TTC6: variants seen among roughly 807,000 people sequenced by gnomAD.
TTC6 encodes tetratricopeptide repeat protein 6.
Under a neutral mutation model 210.4 loss-of-function variants are expected in TTC6, and 172 were observed. The ratio of observed to expected loss-of-function variants is 0.82; its 90% confidence interval spans 0.72 to 0.93. The LOEUF is 0.93. Ranked by LOEUF, TTC6 falls within the 40% of genes least tolerant of loss-of-function variation. The pLI is 0.00. For missense variants in TTC6, 2,414 were observed against 2,318.1 expected (o/e 1.04, Z -0.85); for synonymous variants, 804 against 819.6 (o/e 0.98, Z 0.32).
chr14:37,716,100 G>A (rs943058647), intron 6 of TTC6, among the ~76,000 whole-genome samples: 12 of 152,162 alleles, frequency 7.9e-5, no homozygotes, highest in Admixed American at 2.0e-4. Context: ...AGATTTCTAC[G>A]TATCACTTGA....
intron 29 of TTC6, among the ~76,000 whole-genome samples, chr14:37,839,774 G>GT (rs2096205911): frequency 6.6e-6 from 1 of 152,122 alleles, no homozygotes; most frequent in Non-Finnish European, 1.5e-5. Flanking sequence ...AGTTTTTATG[G>GT]TTTTAGGTGT....
At chr14:37,681,373 T>A (rs937931117) in intron 2 of TTC6, among the ~76,000 whole-genome samples, 11 of 152,282 alleles carry the variant, frequency 7.2e-5, no homozygotes, top group African/African-American at 2.6e-4. Context: ...TAAGGAAAGA[T>A]ACCATTTTGA....
chr14:37,685,068 G>A (rs1011184626), intron 3 of TTC6, among the ~76,000 whole-genome samples: 2 of 152,066 alleles, frequency 1.3e-5, no homozygotes, highest in African/African-American at 4.8e-5. Flanking sequence ...AAATCATGAC[G>A]AACAAAAGAA....
chr14:37,665,319 T>G (rs1235471574), intron 1 of TTC6, among the ~76,000 whole-genome samples: 1 of 149,296 alleles, frequency 6.7e-6, no homozygotes, highest in Admixed American at 6.7e-5. Flanking sequence ...TATGCAGCCA[T>G]AAAAAGAATG....
intron 29 of TTC6, among the ~76,000 whole-genome samples, chr14:37,836,846 G>A (rs1294873799): frequency 6.6e-6 from 1 of 152,122 alleles, no homozygotes; most frequent in African/African-American, 2.4e-5. Flanking sequence ...ATAAACTCTA[G>A]AGGGTTAAAA....
Position 37,787,613 on chromosome 14 carries a change from G to A in TTC6, c.3412G>A (p.Ala1138Thr), listed in dbSNP as rs1193203420. 3 of 1,517,980 alleles carry A rather than the reference G, an allele frequency of 2.0e-6. No homozygotes were observed. In the African/African-American group the frequency reaches 4.1e-5, roughly 21 times the overall value. The allele number at this position is 1,517,980 out of a possible 1,614,324, so 94.0% of individuals were successfully genotyped here. A position where few individuals can be genotyped will look rare whatever the true frequency, so the allele number is the denominator to read the frequency against. ...ATTCAGAAAGAGTAACCCTTTTAGA[G>A]CGCTACAGGATTATAGTGTTTCAGG... The change falls in exon 15 of 31, where the codon GCG (alanine) becomes ACG (threonine). Residue 1138 changes from alanine to threonine, a missense_variant. By Grantham distance (58) the Ala-to-Thr change is moderately conservative. Coordinates refer to ENST00000553443, the Ensembl canonical transcript of TTC6.
rs2095641329 is a variant in TTC6 at position 37,615,536 on chromosome 14, T to C, written c.-154-6514T>C. Reference sequence around the variant, plus strand: ...TTTATCTTTAAACTCAGTTACTCTTTTCTCTGACATCTCCATTTTCCTAAT... The same window carrying C: ...TTTATCTTTAAACTCAGTTACTCTTCTCTCTGACATCTCCATTTTCCTAAT... On this transcript the variant is annotated intron_variant, in intron 2 of 2. Transcript: ENST00000556845. Among the ~76,000 whole-genome samples the C allele has an allele frequency of 2.6e-5, 4 of 152,230 alleles. No individual in the cohort carries two copies. In the South Asian group the frequency reaches 8.3e-4, roughly 32 times the overall value.
chr14:37,644,246 G>A (rs2095697628), intron 1 of TTC6, among the ~76,000 whole-genome samples: 1 of 152,100 alleles, frequency 6.6e-6, no homozygotes, highest in African/African-American at 2.4e-5. Flanking sequence ...GTTTATTTCT[G>A]TCTTGTAAAA....
intron 4 of TTC6, among the ~76,000 whole-genome samples, chr14:37,700,974 A>T (rs190680044): frequency 6.6e-6 from 1 of 152,060 alleles, no homozygotes; most frequent in Non-Finnish European, 1.5e-5. Flanking sequence ...GGAGTAATAC[A>T]TGATGGCTGG....
chr14:37,732,612 T>C (rs1407382809), intron 7 of TTC6, among the ~76,000 whole-genome samples: 1 of 140,986 alleles, frequency 7.1e-6, no homozygotes, highest in Admixed American at 7.6e-5. Context: ...CTTCACTTTG[T>C]TGTCTTTTAT....
chr14:37,712,368 T>C (rs1032286461), intron 5 of TTC6, among the ~76,000 whole-genome samples: 1 of 152,216 alleles, frequency 6.6e-6, no homozygotes, highest in Non-Finnish European at 1.5e-5. Context: ...GAAATACTTA[T>C]TGATCCTGAT....
chr14:37,725,691 A>G (rs985575402), intron 7 of TTC6, among the ~76,000 whole-genome samples: 1 of 151,916 alleles, frequency 6.6e-6, no homozygotes, highest in Non-Finnish European at 1.5e-5. Context: ...AAAATGTTAT[A>G]CTTATCCATG....
intron 17 of TTC6, among the ~76,000 whole-genome samples, chr14:37,794,965 A>G (rs934038126): frequency 2.0e-5 from 3 of 152,182 alleles, no homozygotes; most frequent in Non-Finnish European, 4.4e-5. Flanking sequence ...AAATGATAAA[A>G]GAGAACACAA....
At chr14:37,677,801 T>C (rs1354132209) in intron 1 of TTC6, among the ~76,000 whole-genome samples, 1 of 152,172 alleles carries the variant, frequency 6.6e-6, no homozygotes, top group African/African-American at 2.4e-5. Context: ...TCTTCTGCAA[T>C]GTCTTTCTCT....
At chr14:37,783,834 T>G (rs1006551161) in intron 14 of TTC6, among the ~76,000 whole-genome samples, 1 of 152,206 alleles carries the variant, frequency 6.6e-6, no homozygotes, top group Non-Finnish European at 1.5e-5. Flanking sequence ...TTTTGTGTCT[T>G]TGTTCTCACT....
intron 17 of TTC6, among the ~76,000 whole-genome samples, chr14:37,792,943 G>A (rs1418711346): frequency 6.6e-6 from 1 of 151,918 alleles, no homozygotes. Context: ...AATGTTATAT[G>A]CCCCTGCCGT....
At chr14:37,813,596 G>C (rs2096134708) in intron 25 of TTC6, among the ~76,000 whole-genome samples, 1 of 152,216 alleles carries the variant, frequency 6.6e-6, no homozygotes, top group African/African-American at 2.4e-5. Context: ...AACTTACAGA[G>C]GAAGAAACTG....
intron 29 of TTC6, among the ~76,000 whole-genome samples, chr14:37,833,320 A>G (rs2139027533): frequency 6.6e-6 from 1 of 152,200 alleles, no homozygotes; most frequent in South Asian, 2.1e-4. Context: ...TATATTTACA[A>G]TTGTTATATT....
chr14:37,639,076 A>G (rs1317391127), intron 1 of TTC6, among the ~76,000 whole-genome samples: 1 of 152,220 alleles, frequency 6.6e-6, no homozygotes, highest in African/African-American at 2.4e-5. Flanking sequence ...ACTTTTTGGT[A>G]CATATCAAAG....
Sources: gnomAD v4.1 joint callset for allele counts (sites outside exome capture counted in the v4.1 genomes callset) on GRCh38, gnomAD v4.1.1 for gene constraint, MANE v1.5 for transcripts, NCBI Gene and HGNC (gene_info 2026-07-23, HGNC 2026-07-21) for gene names.